SNTG1: variants seen among roughly 807,000 people sequenced by gnomAD.
The protein encoded by SNTG1 is syntrophin gamma 1.
A neutral mutation model predicts 74.7 loss-of-function variants in SNTG1; 39 were observed. That is an observed-to-expected ratio of 0.52 (90% CI 0.40 to 0.68). SNTG1 has a LOEUF of 0.68. SNTG1 is among the 30% of genes least tolerant of loss of function. SNTG1 has a pLI of 0.00. For synonymous variants in SNTG1, 254 were observed against 217.1 expected (o/e 1.17, Z -1.49); for missense variants, 685 against 609.5 (o/e 1.12, Z -1.30).
At chr8:50,738,292 G>C (rs893451950) in intron 17 of SNTG1, among the ~76,000 whole-genome samples, 6 of 152,064 alleles carry the variant, frequency 3.9e-5, no homozygotes, top group South Asian at 2.1e-4. Context: ...CAAATCATGA[G>C]TGAAATTTTA....
intron 1 of SNTG1, among the ~76,000 whole-genome samples, chr8:49,995,457 G>A (rs368128219): frequency 2.3e-4 from 35 of 152,298 alleles, no homozygotes; most frequent in African/African-American, 7.5e-4. Context: ...AGGATTAGTG[G>A]GAAGAGCTAA....
At chr8:50,711,190 A>C (rs564177278) in intron 17 of SNTG1, among the ~76,000 whole-genome samples, 4 of 152,258 alleles carry the variant, frequency 2.6e-5, no homozygotes, top group Non-Finnish European at 5.9e-5. Context: ...TAATTGTTAC[A>C]TACAAATCAA....
At chr8:50,516,071 C>A (rs1209027830) in intron 9 of SNTG1, among the ~76,000 whole-genome samples, 1 of 152,082 alleles carries the variant, frequency 6.6e-6, no homozygotes, top group Non-Finnish European at 1.5e-5. Flanking sequence ...GGCAGGTACA[C>A]CTCTGGGAAG....
Position 50,160,098 on chromosome 8 carries a change from C to T in SNTG1, c.-102-12463C>T, listed in dbSNP as rs2082369505. Among the ~76,000 whole-genome samples the T allele has an allele frequency of 3.3e-5, 5 of 152,230 alleles. No individual in the cohort carries two copies. In the South Asian group the frequency reaches 1.0e-3, roughly 32 times the overall value. ...TTGAGTAATGTGTTTGTTGGTTTTTCTAATAAAAGGAGGACATGCTCTTGG... is the reference window on the plus strand; with the variant it reads ...TTGAGTAATGTGTTTGTTGGTTTTTTTAATAAAAGGAGGACATGCTCTTGG... On this transcript the variant is annotated intron_variant, in intron 1 of 18. Transcript: ENST00000642720.
In SNTG1 at chr8:50,601,152, CAAAAAAAAAAAAAA is replaced by C. The variant is rs71235311; in HGVS notation, c.849+10254_849+10267del. On this transcript the variant is annotated intron_variant, in intron 13 of 18. Coordinates refer to ENST00000642720, the MANE Select transcript of SNTG1 (RefSeq NM_018967.5). ...CAGCCTGGTGACAGAGCCAGCGAGACAAAAAAAAAAAAAAAAAAAAAAAAAAAAAAAAGACATGT... is the reference window on the plus strand; with the variant it reads ...CAGCCTGGTGACAGAGCCAGCGAGACAAAAAAAAAAAAAAAAAAGACATGT... Among the ~76,000 whole-genome samples the C allele has an allele frequency of 6.7e-3, 210 of 31,434 alleles. 1 individual carries two copies. Among genetic ancestry groups the C allele is most frequent in the African/African-American group, 0.033 (169 of 5,072 alleles). The allele number at this position is 31,434 out of a possible 152,430, so 20.6% of individuals were successfully genotyped here.
At position 50,048,822 on chromosome 8, in the gene SNTG1, A is replaced by C. The variant is rs189754137; in HGVS notation, c.-102-123739A>C. The stretch of plus-strand genomic sequence containing the variant: ...CTGAAATTAGTTTAGCATTGATGTG[A>C]ATAATGGCAGTTGCCAAGTAAGTTT... On this transcript the variant is annotated intron_variant, in intron 1 of 18. Transcript: ENST00000642720. 1.9e-3 allele frequency among the ~76,000 whole-genome samples: 291 copies of C among 152,268 alleles called. 1 individual carries two copies. Among genetic ancestry groups the C allele is most frequent in the African/African-American group, 6.8e-3 (281 of 41,560 alleles).
Position 50,699,010 on chromosome 8 carries a change from G to T in SNTG1, c.1039-5590G>T, listed in dbSNP as rs188311126. On this transcript the variant is annotated intron_variant, in intron 15 of 18. Coordinates refer to ENST00000642720, the MANE Select transcript of SNTG1 (RefSeq NM_018967.5). ...TCGTGTGTTACTGTTGAACTCCTGTGTTCTCTCTTGGATAATATGTTTGTA... is the reference window on the plus strand; with the variant it reads ...TCGTGTGTTACTGTTGAACTCCTGTTTTCTCTCTTGGATAATATGTTTGTA... 2.0e-4 allele frequency among the ~76,000 whole-genome samples: 31 copies of T among 152,220 alleles called. No individual in the cohort carries two copies. In the East Asian group the frequency reaches 4.3e-3, roughly 21 times the overall value.
intron 17 of SNTG1, among the ~76,000 whole-genome samples, chr8:50,709,396 A>T (rs570366570): frequency 6.6e-6 from 1 of 152,318 alleles, no homozygotes; most frequent in Admixed American, 6.5e-5. Flanking sequence ...AAAAAAAATT[A>T]TAGCTGACAT....
chr8:50,639,747 T>G (rs569324352), intron 13 of SNTG1, among the ~76,000 whole-genome samples: 1 of 152,220 alleles, frequency 6.6e-6, no homozygotes, highest in Admixed American at 6.5e-5. Flanking sequence ...CTGAAATGTG[T>G]AACAATTAAC....
intron 13 of SNTG1, among the ~76,000 whole-genome samples, chr8:50,618,244 C>T (rs924013919): frequency 6.6e-6 from 1 of 152,122 alleles, no homozygotes; most frequent in African/African-American, 2.4e-5. Context: ...CCTAAATATA[C>T]CTGTAACTGT....
chr8:50,065,900 G>C (rs577075791), intron 1 of SNTG1, among the ~76,000 whole-genome samples: 3 of 152,044 alleles, frequency 2.0e-5, no homozygotes, highest in African/African-American at 7.2e-5. Flanking sequence ...CTCCTTTCCC[G>C]TGATAGTTTC....
At chr8:50,111,109 T>C (rs1222405863) in intron 1 of SNTG1, among the ~76,000 whole-genome samples, 1 of 151,192 alleles carries the variant, frequency 6.6e-6, no homozygotes, top group Non-Finnish European at 1.5e-5. Context: ...TTTACAACTC[T>C]ACTCATTGCA....
chr8:50,075,750 C>A (rs1821810104), intron 1 of SNTG1, among the ~76,000 whole-genome samples: 1 of 152,156 alleles, frequency 6.6e-6, no homozygotes, highest in African/African-American at 2.4e-5. Context: ...CTGAGGCCAG[C>A]AAGACCACGA....
At chr8:50,630,381 G>A (rs76420083) in intron 13 of SNTG1, among the ~76,000 whole-genome samples, 4,774 of 152,244 alleles carry the variant, frequency 0.031, 117 homozygotes, top group African/African-American at 0.055. Context: ...TGCCATGTGT[G>A]ATAAAGGCAG....
chr8:50,566,651 G>A (rs2094518131), intron 12 of SNTG1, among the ~76,000 whole-genome samples: 1 of 152,008 alleles, frequency 6.6e-6, no homozygotes, highest in Non-Finnish European at 1.5e-5. Context: ...TCTGAAAAGA[G>A]GAGGAAGTAT....
chr8:50,017,980 G>C (rs1004712757), intron 1 of SNTG1, among the ~76,000 whole-genome samples: 1 of 151,718 alleles, frequency 6.6e-6, no homozygotes, highest in Non-Finnish European at 1.5e-5. Flanking sequence ...AGTGCACATG[G>C]AACAATAAAA....
At chr8:50,505,769 A>G (rs1448430926) in intron 9 of SNTG1, among the ~76,000 whole-genome samples, 4 of 152,122 alleles carry the variant, frequency 2.6e-5, no homozygotes, top group Non-Finnish European at 5.9e-5. Flanking sequence ...ATTACCAGAC[A>G]TATGGTTTGA....
intron 18 of SNTG1, among the ~76,000 whole-genome samples, chr8:50,779,935 G>T (rs1437368185): frequency 6.6e-6 from 1 of 151,802 alleles, no homozygotes. Flanking sequence ...TTTGTCAAAG[G>T]CCTTTTCTGC....
At chr8:50,184,063 GC>G (rs1159104028) in intron 2 of SNTG1, among the ~76,000 whole-genome samples, 1 of 151,758 alleles carries the variant, frequency 6.6e-6, no homozygotes. Flanking sequence ...TAAGGACTCT[GC>G]TTCTGAAATT....
Sources: gnomAD v4.1 joint callset for allele counts (sites outside exome capture counted in the v4.1 genomes callset) on GRCh38, gnomAD v4.1.1 for gene constraint, MANE v1.5 for transcripts, NCBI Gene and HGNC (gene_info 2026-07-23, HGNC 2026-07-21) for gene names.